RHOBTB1: variants seen among roughly 807,000 people sequenced by gnomAD.
RHOBTB1 encodes Rho related BTB domain containing 1.
A neutral mutation model predicts 71.6 loss-of-function variants in RHOBTB1; 40 were observed. That is an observed-to-expected ratio of 0.56 (90% CI 0.43 to 0.73). RHOBTB1 has a LOEUF of 0.73. Among genes scored for constraint, RHOBTB1 ranks in the 30% least tolerant of loss-of-function variants. RHOBTB1 has a pLI of 0.00. For synonymous variants in RHOBTB1, 319 were observed against 334.9 expected, an observed-to-expected ratio of 0.95 and a Z score of 0.52; for missense variants, 797 against 894.0, an observed-to-expected ratio of 0.89 and a Z score of 1.38.
chr10:60,960,683 C>T (rs956518775), intron 2 of RHOBTB1, among the ~76,000 whole-genome samples: 2 of 152,132 alleles, frequency 1.3e-5, no homozygotes, highest in East Asian at 1.9e-4. Context: ...TAATCCAAGT[C>T]GTAAAGAACT....
chr10:60,862,024 C>T, the RHOBTB1 span, among the ~76,000 whole-genome samples: 3 of 152,060 alleles, frequency 2.0e-5, no homozygotes, highest in Non-Finnish European at 2.9e-5. Flanking sequence ...GGAGTCAGGT[C>T]GGGTTCTACA....
intron 2 of RHOBTB1, among the ~76,000 whole-genome samples, chr10:60,967,475 T>C (rs1467243011): frequency 2.0e-5 from 3 of 151,878 alleles, no homozygotes. Context: ...GCTTTTCAGG[T>C]TCAAGGAACA....
chr10:60,896,743 T>C (rs775545201), intron 4 of RHOBTB1, among the ~76,000 whole-genome samples: 6 of 152,176 alleles, frequency 3.9e-5, no homozygotes, highest in Non-Finnish European at 7.4e-5. Flanking sequence ...AAAATATCAA[T>C]ATAAAAATTT....
At chr10:60,890,152 TA>T in intron 5 of RHOBTB1, among the ~76,000 whole-genome samples, 1 of 152,296 alleles carries the variant, frequency 6.6e-6, no homozygotes, top group Middle Eastern at 3.4e-3. Context: ...CACTTCTAGT[TA>T]AATGATCCAC....
chr10:60,931,326 C>T (rs2084240217), intron 2 of RHOBTB1, among the ~76,000 whole-genome samples: 1 of 152,170 alleles, frequency 6.6e-6, no homozygotes, highest in Admixed American at 6.5e-5. Context: ...TGCCCACTAG[C>T]AGTCATTCTT....
intron 4 of RHOBTB1, among the ~76,000 whole-genome samples, chr10:60,900,358 C>T (rs1010930713): frequency 2.0e-5 from 3 of 152,176 alleles, no homozygotes; most frequent in African/African-American, 4.8e-5. Flanking sequence ...TCTGTATACA[C>T]ACACTGAAGG....
intron 2 of RHOBTB1, among the ~76,000 whole-genome samples, chr10:60,969,612 C>T (rs1179884076): frequency 6.6e-6 from 1 of 152,008 alleles, no homozygotes; most frequent in Non-Finnish European, 1.5e-5. Flanking sequence ...TTAGGATTTT[C>T]TATCAATCAG....
intron 4 of RHOBTB1, among the ~76,000 whole-genome samples, chr10:60,898,305 G>A (rs1284643181): frequency 6.6e-6 from 1 of 152,080 alleles, no homozygotes; most frequent in Non-Finnish European, 1.5e-5. Context: ...ACTGAGGTAG[G>A]TTCTTTACAG....
chr10:60,993,407 CTTT>C (rs1429042323), intron 1 of RHOBTB1, among the ~76,000 whole-genome samples: 4 of 152,132 alleles, frequency 2.6e-5, no homozygotes, highest in Non-Finnish European at 5.9e-5. Flanking sequence ...AAGCTTTCTT[CTTT>C]TAAGAGGTAG....
intron 4 of RHOBTB1, among the ~76,000 whole-genome samples, chr10:60,894,096 C>A (rs1023800229): frequency 1.3e-5 from 2 of 152,134 alleles, no homozygotes; most frequent in East Asian, 1.9e-4. Context: ...AATCAAAACA[C>A]CTTCCTTTTA....
chr10:60,888,345 C>T lies in RHOBTB1; in HGVS notation c.1323G>A (p.Glu441=). 6.2e-7 allele frequency: 1 copy of T among 1,614,166 alleles called. No individual in the cohort carries two copies. The highest frequency in any genetic ancestry group is 1.1e-5 in the South Asian group (1 of 91,078). The part of the protein sequence containing the change: ...VGLAQIAEVL[E]MFDLRMMVEN... ...CCACCATCATCCTCAAATCGAACAT[C>T]TCGAGGACCTCTGCGATCTGAGCCA... Residue 441 remains glutamate (E), a synonymous_variant, in exon 6 of 11, where the codon GAG becomes GAA. Coordinates refer to ENST00000337910, the MANE Select transcript of RHOBTB1 (RefSeq NM_014836.5).
At chr10:60,931,123 T>C (rs763327695) in intron 2 of RHOBTB1, among the ~76,000 whole-genome samples, 35 of 152,172 alleles carry the variant, frequency 2.3e-4, no homozygotes, top group Non-Finnish European at 4.0e-4. Flanking sequence ...CATTTTCTAC[T>C]TTTCTTTTGA....
intron 8 of RHOBTB1, among the ~76,000 whole-genome samples, chr10:60,876,517 C>A (rs533093984): frequency 1.2e-3 from 175 of 152,156 alleles, no homozygotes; most frequent in African/African-American, 4.0e-3. Flanking sequence ...AGATTTGGCT[C>A]CAAATTACAT....
chr10:60,879,836 G>C (rs548531330), intron 7 of RHOBTB1, among the ~76,000 whole-genome samples: 2 of 152,102 alleles, frequency 1.3e-5, no homozygotes, highest in African/African-American at 4.8e-5. Context: ...ACACATGCAT[G>C]GAGCCAGCCA....
intron 5 of RHOBTB1, among the ~76,000 whole-genome samples, chr10:60,891,599 T>C (rs1467702903): frequency 6.6e-6 from 1 of 151,986 alleles, no homozygotes; most frequent in Non-Finnish European, 1.5e-5. Flanking sequence ...CCTCCCACCT[T>C]GGCCTCCTGA....
At chr10:60,906,109 G>T (rs114029871) in intron 4 of RHOBTB1, among the ~76,000 whole-genome samples, 2,514 of 152,236 alleles carry the variant, frequency 0.017, 30 homozygotes, top group African/African-American at 0.038. Context: ...GAATAAACTA[G>T]ATAATAAATG....
In RHOBTB1 at chr10:60,925,738, T is replaced by C. The variant is rs141479980; in HGVS notation, c.-10-14186A>G. 9.2e-5 allele frequency among the ~76,000 whole-genome samples: 14 copies of C among 152,300 alleles called. No homozygotes were observed. The East Asian group carries it at 1.9e-3, about 21-fold the overall frequency. On this transcript the variant is annotated intron_variant, in intron 2 of 10. Transcript: ENST00000337910. ...TATAAAAAAGAGATGTTACAACTGATACTGCTGAAATTCAAAGAATCATTA... is the reference window on the plus strand; with the variant it reads ...TATAAAAAAGAGATGTTACAACTGACACTGCTGAAATTCAAAGAATCATTA...
intron 3 of RHOBTB1, 144 bp from the exon 4 acceptor site, chr10:60,911,134 T>A: frequency 1.3e-6 from 1 of 759,502 alleles, no homozygotes; most frequent in Non-Finnish European, 2.1e-6. Context: ...AGCTAAGTCT[T>A]AATTCCCTTC....
chr10:60,905,477 T>TCAAATTAAG (rs1258364735), intron 4 of RHOBTB1, among the ~76,000 whole-genome samples: 1 of 119,856 alleles, frequency 8.3e-6, no homozygotes, highest in African/African-American at 3.9e-5. Context: ...AAAAAAAAAT[T>TCAAATTAAG]CAAATTAAGG....
Sources: allele counts gnomAD v4.1 joint callset (sites outside exome capture counted in the v4.1 genomes callset), GRCh38; gene constraint gnomAD v4.1.1; transcripts MANE v1.5; gene names NCBI Gene and HGNC (gene_info 2026-07-23, HGNC 2026-07-21).